The following SPAG16 variants were observed in gnomAD, a reference collection of about 807,000 sequenced individuals.
The protein encoded by SPAG16 is sperm-associated antigen 16 protein.
A neutral mutation model predicts 80.4 loss-of-function variants in SPAG16; 86 were observed. That is an observed-to-expected ratio of 1.07 (90% confidence interval 0.90 to 1.28). The LOEUF (loss-of-function observed/expected upper bound fraction) is 1.28, where lower values mean the gene tolerates loss of function less well. SPAG16 is among the 50% of genes most tolerant of loss of function. The probability of loss-of-function intolerance (pLI) is 0.00; values close to 1 mark genes in which losing one functional copy is unlikely to be tolerated. For synonymous variants in SPAG16, 294 were observed against 265.9 expected, an observed-to-expected ratio of 1.11 and a Z score of -1.03; for missense variants, 870 against 765.3, an observed-to-expected ratio of 1.14 and a Z score of -1.61.
chr2:213,497,857 A>G (rs2125762466), intron 10 of SPAG16, among the ~76,000 whole-genome samples: 1 of 152,204 alleles, frequency 6.6e-6, no homozygotes, highest in Admixed American at 6.5e-5. Context: ...AGGCAGGTCT[A>G]TTTCCATGGA....
At chr2:213,612,668 G>GA (rs1440132168) in intron 10 of SPAG16, among the ~76,000 whole-genome samples, 2 of 152,066 alleles carry the variant, frequency 1.3e-5, no homozygotes, top group Non-Finnish European at 2.9e-5. Flanking sequence ...GACTAGCCTT[G>GA]AAAAATAAAA....
intron 12 of SPAG16, among the ~76,000 whole-genome samples, chr2:213,981,229 G>T (rs2045730441): frequency 6.6e-6 from 1 of 152,124 alleles, no homozygotes; most frequent in African/African-American, 2.4e-5. Context: ...TCACCCTTAA[G>T]AACTCATTTA....
At chr2:213,990,036 G>A (rs1192177582) in intron 12 of SPAG16, among the ~76,000 whole-genome samples, 1 of 152,046 alleles carries the variant, frequency 6.6e-6, no homozygotes, top group Non-Finnish European at 1.5e-5. Context: ...ATTTCAGAAA[G>A]GATCTGACAT....
intron 5 of SPAG16, among the ~76,000 whole-genome samples, chr2:213,330,761 A>G (rs1247138484): frequency 6.6e-6 from 1 of 152,132 alleles, no homozygotes; most frequent in Non-Finnish European, 1.5e-5. Context: ...GGCCCACCCA[A>G]ATCTCATCTT....
chr2:213,736,019 G>C (rs6735353), intron 10 of SPAG16, among the ~76,000 whole-genome samples: 68,285 of 151,924 alleles, frequency 0.45, 16,767 homozygotes, highest in Non-Finnish European at 0.55. Context: ...TTAAGAATTT[G>C]CTCAATGTCA....
chr2:213,907,443 C>T (rs1354088581), intron 11 of SPAG16, among the ~76,000 whole-genome samples: 2 of 149,416 alleles, frequency 1.3e-5, no homozygotes, highest in African/African-American at 4.9e-5. Flanking sequence ...TAAATTAGTA[C>T]AGCCATTTTG....
intron 7 of SPAG16, among the ~76,000 whole-genome samples, chr2:213,354,755 GAATAT>G (rs1411498129): frequency 7.9e-5 from 12 of 152,142 alleles, no homozygotes; most frequent in South Asian, 6.2e-4. Context: ...TGTAGATTCT[GAATAT>G]TAGCTCTTTG....
intron 15 of SPAG16, among the ~76,000 whole-genome samples, chr2:214,220,692 C>T (rs921213716): frequency 1.3e-5 from 2 of 152,100 alleles, no homozygotes; most frequent in Non-Finnish European, 2.9e-5. Flanking sequence ...CCCTCTAATG[C>T]TTCAGGTAGT....
At chr2:214,358,853 G>A (rs1175868293) in intron 15 of SPAG16, among the ~76,000 whole-genome samples, 1 of 151,860 alleles carries the variant, frequency 6.6e-6, no homozygotes, top group African/African-American at 2.4e-5. Flanking sequence ...GCTTCCCCTT[G>A]TCATATACAT....
chr2:213,731,006 T>C (rs1199537388), intron 10 of SPAG16, among the ~76,000 whole-genome samples: 1 of 152,114 alleles, frequency 6.6e-6, no homozygotes, highest in African/African-American at 2.4e-5. Flanking sequence ...TTTATTTTTT[T>C]ATGGTTTCTT....
intron 14 of SPAG16, among the ~76,000 whole-genome samples, chr2:214,123,370 C>G (rs1412869385): frequency 6.6e-6 from 1 of 151,856 alleles, no homozygotes; most frequent in Non-Finnish European, 1.5e-5. Context: ...ATAATTATGT[C>G]ATATTTCTTG....
intron 10 of SPAG16, among the ~76,000 whole-genome samples, chr2:213,539,781 T>A (rs1447960559): frequency 6.6e-6 from 1 of 152,116 alleles, no homozygotes; most frequent in African/African-American, 2.4e-5. Flanking sequence ...TTAATGAAAA[T>A]TATTTTCAGG....
At chr2:213,328,370 A>AG (rs1323275288) in intron 5 of SPAG16, among the ~76,000 whole-genome samples, 1 of 152,034 alleles carries the variant, frequency 6.6e-6, no homozygotes, top group Non-Finnish European at 1.5e-5. Flanking sequence ...CTTTTTCAAA[A>AG]CAATTTATCT....
intron 15 of SPAG16, among the ~76,000 whole-genome samples, chr2:214,409,694 C>T (rs1702191448): frequency 6.6e-6 from 1 of 152,140 alleles, no homozygotes; most frequent in African/African-American, 2.4e-5. Flanking sequence ...TAATGATTAG[C>T]ATAATTATTA....
chr2:213,816,611 G>A (rs2072554720), intron 10 of SPAG16, among the ~76,000 whole-genome samples: 1 of 151,780 alleles, frequency 6.6e-6, no homozygotes, highest in African/African-American at 2.4e-5. Flanking sequence ...GACATCTTAT[G>A]AGATACTTAT....
intron 15 of SPAG16, among the ~76,000 whole-genome samples, chr2:214,386,613 G>C (rs1399117810): frequency 6.6e-6 from 1 of 152,038 alleles, no homozygotes; most frequent in Non-Finnish European, 1.5e-5. Flanking sequence ...TGTAATCCCA[G>C]TACTTTGGGA....
intron 9 of SPAG16, among the ~76,000 whole-genome samples, chr2:213,426,293 C>T (rs1350561992): frequency 6.6e-6 from 1 of 151,888 alleles, no homozygotes; most frequent in East Asian, 1.9e-4. Context: ...GCCAAATTTA[C>T]CACTCTTCTT....
chr2:214,163,707 G>T, intron 15 of SPAG16, among the ~76,000 whole-genome samples: 1 of 151,742 alleles, frequency 6.6e-6, no homozygotes, highest in East Asian at 1.9e-4. Context: ...TGATTGCGGG[G>T]GCTGGCAATT....
chr2:214,279,796 A>G (rs1323659860), intron 15 of SPAG16, among the ~76,000 whole-genome samples: 1 of 152,226 alleles, frequency 6.6e-6, no homozygotes, highest in Non-Finnish European at 1.5e-5. Flanking sequence ...AGTGAATTTT[A>G]AAAGATTCAA....
Sources: allele counts gnomAD v4.1 joint callset (sites outside exome capture counted in the v4.1 genomes callset), GRCh38; gene constraint gnomAD v4.1.1; transcripts MANE v1.5; gene names NCBI Gene and HGNC (gene_info 2026-07-23, HGNC 2026-07-21).